Variants in NTM observed in about 807,000 individuals in gnomAD.
NTM encodes the protein neurotrimin.
NTM carries 13 observed loss-of-function variants against 42.1 expected under a neutral mutation model. The ratio of observed to expected loss-of-function variants is 0.31; its 90% confidence interval spans 0.20 to 0.49. The LOEUF is 0.49. Among genes scored for constraint, NTM ranks in the 20% least tolerant of loss-of-function variants. The probability of loss-of-function intolerance (pLI) is 0.99; values close to 1 mark genes in which losing one functional copy is unlikely to be tolerated. For synonymous variants in NTM, 187 were observed against 179.2 expected (o/e 1.04, Z -0.35); for missense variants, 373 against 452.8 (o/e 0.82, Z 1.60).
At chr11:131,407,416 G>A (rs545311483) in intron 1 of NTM, among the ~76,000 whole-genome samples, 61 of 152,344 alleles carry the variant, frequency 4.0e-4, no homozygotes, top group African/African-American at 1.4e-3. Flanking sequence ...GTGGAATTGT[G>A]TAATATTTTA....
intron 2 of NTM, among the ~76,000 whole-genome samples, chr11:131,998,447 C>T (rs566289348): frequency 1.2e-3 from 178 of 152,318 alleles, no homozygotes; most frequent in Middle Eastern, 0.01. Flanking sequence ...TGCTTGGGGC[C>T]ACCCTGGCCA....
rs557594648 is a variant in NTM, at chr11:131,585,404, G to C, written c.82+214516G>C. ...TTTGGTGGGAGGAAGTTCACCATGG[G>C]AGACACTCCTCAGGCCCTCCTTTGG... On this transcript the variant is annotated intron_variant, in intron 1 of 8. Transcript: ENST00000683400. 1.1e-4 allele frequency among the ~76,000 whole-genome samples: 17 copies of C among 152,258 alleles called. No individual in the cohort carries two copies. The South Asian group carries it at 3.5e-3, about 32-fold the overall frequency.
intron 1 of NTM, among the ~76,000 whole-genome samples, chr11:131,662,761 G>T (rs2068307506): frequency 6.6e-6 from 1 of 152,122 alleles, no homozygotes; most frequent in Non-Finnish European, 1.5e-5. Flanking sequence ...TGGATGAAAA[G>T]AGACGGCCTT....
intron 1 of NTM, among the ~76,000 whole-genome samples, chr11:131,830,578 TA>T (rs113016815): frequency 0.35 from 53,317 of 152,062 alleles, 10,701 homozygotes; most frequent in East Asian, 0.51. Context: ...AGCCCTGTAG[TA>T]TGGTTTGAAG....
At chr11:131,875,697 G>T (rs750925423) in intron 1 of NTM, among the ~76,000 whole-genome samples, 5 of 152,204 alleles carry the variant, frequency 3.3e-5, no homozygotes, top group Admixed American at 1.3e-4. Flanking sequence ...CATAAGAAAG[G>T]CTTTTGGTAA....
At chr11:131,466,136 C>A (rs537034018) in intron 1 of NTM, among the ~76,000 whole-genome samples, 1 of 152,134 alleles carries the variant, frequency 6.6e-6, no homozygotes, top group Non-Finnish European at 1.5e-5. Context: ...AGAGCCTGCC[C>A]GACCCTGACA....
At chr11:132,250,193 C>G (rs1197169566) in intron 4 of NTM, among the ~76,000 whole-genome samples, 3 of 152,192 alleles carry the variant, frequency 2.0e-5, no homozygotes, top group Non-Finnish European at 4.4e-5. Context: ...TCCTAAGGAA[C>G]ATTTGGCTCT....
chr11:132,329,973 C>G, intron 7 of NTM, 180 bp from the exon 8 acceptor site: 2 of 553,290 alleles, frequency 3.6e-6, no homozygotes, highest in Non-Finnish European at 4.6e-6. Context: ...AACCAGAAAA[C>G]CAGAGGGGGG....
At chr11:131,587,994 T>C (rs912174090) in intron 1 of NTM, among the ~76,000 whole-genome samples, 15 of 152,200 alleles carry the variant, frequency 9.9e-5, no homozygotes, top group African/African-American at 3.6e-4. Context: ...TAATAAAGCA[T>C]GTGTGGAATG....
At chr11:132,174,355 T>C (rs1158887584) in intron 3 of NTM, among the ~76,000 whole-genome samples, 2 of 152,242 alleles carry the variant, frequency 1.3e-5, no homozygotes, top group African/African-American at 4.8e-5. Context: ...AGTGAACTGC[T>C]TCTATAAACT....
intron 2 of NTM, among the ~76,000 whole-genome samples, chr11:131,989,135 T>G (rs1053867579): frequency 6.6e-6 from 1 of 152,162 alleles, no homozygotes; most frequent in Non-Finnish European, 1.5e-5. Flanking sequence ...GATTCCTTTT[T>G]AAAATACACT....
At chr11:132,148,503 TGA>T (rs916179761) in intron 3 of NTM, among the ~76,000 whole-genome samples, 8 of 151,882 alleles carry the variant, frequency 5.3e-5, no homozygotes, top group African/African-American at 1.9e-4. Context: ...GCATTGACAA[TGA>T]GAGACTGGGA....
chr11:132,001,755 C>A (rs574743262), intron 2 of NTM, among the ~76,000 whole-genome samples: 2 of 149,340 alleles, frequency 1.3e-5, no homozygotes, highest in African/African-American at 5.0e-5. Context: ...CAAACTATAT[C>A]ATGCATATAC....
At chr11:132,296,141 A>T (rs1565412442) in intron 4 of NTM, among the ~76,000 whole-genome samples, 1 of 152,174 alleles carries the variant, frequency 6.6e-6, no homozygotes, top group Non-Finnish European at 1.5e-5. Context: ...TGTAAGGGCA[A>T]GGTGGTGAAT....
intron 1 of NTM, among the ~76,000 whole-genome samples, chr11:131,786,117 A>G (rs924976782): frequency 6.6e-6 from 1 of 152,318 alleles, no homozygotes; most frequent in Admixed American, 6.5e-5. Context: ...TCTATCTTCT[A>G]AAGTACTTAA....
At chr11:132,178,179 G>A (rs114481107) in intron 3 of NTM, among the ~76,000 whole-genome samples, 16 of 152,330 alleles carry the variant, frequency 1.1e-4, no homozygotes, top group African/African-American at 3.8e-4. Flanking sequence ...TGGCTCCGCA[G>A]GATCTCATCT....
chr11:131,682,511 C>A (rs561641735), intron 1 of NTM, among the ~76,000 whole-genome samples: 1 of 152,274 alleles, frequency 6.6e-6, no homozygotes, highest in South Asian at 2.1e-4. Flanking sequence ...AGCTGGAGAG[C>A]GGAGCCCTCT....
intron 1 of NTM, among the ~76,000 whole-genome samples, chr11:131,636,182 A>G (rs746833749): frequency 2.6e-5 from 4 of 152,202 alleles, no homozygotes; most frequent in African/African-American, 7.2e-5. Context: ...GGAGACACAG[A>G]GCCCCACCAC....
chr11:131,438,573 C>A (rs1309787828), intron 1 of NTM, among the ~76,000 whole-genome samples: 1 of 152,184 alleles, frequency 6.6e-6, no homozygotes, highest in African/African-American at 2.4e-5. Flanking sequence ...TTGATCGAAT[C>A]GGCTGTTGAA....
Sources: gnomAD v4.1 joint callset for allele counts (sites outside exome capture counted in the v4.1 genomes callset) on GRCh38, gnomAD v4.1.1 for gene constraint, MANE v1.5 for transcripts, NCBI Gene and HGNC (gene_info 2026-07-23, HGNC 2026-07-21) for gene names.